The following DPYD variants were observed in gnomAD, a reference collection of about 807,000 sequenced individuals.
DPYD encodes the protein dihydropyrimidine dehydrogenase.
A neutral mutation model predicts 116.2 loss-of-function variants in DPYD; 109 were observed. The observed-to-expected ratio is 0.94, with a 90% CI of 0.80 to 1.10. DPYD has a LOEUF of 1.10. Among genes scored for constraint, DPYD ranks in the 50% least tolerant of loss-of-function variants. The probability of loss-of-function intolerance (pLI) is 0.00; values close to 1 mark genes in which losing one functional copy is unlikely to be tolerated. For synonymous variants in DPYD, 440 were observed against 432.0 expected (o/e 1.02, Z -0.23); for missense variants, 1,302 against 1,254.5 (o/e 1.04, Z -0.57).
intron 5 of DPYD, among the ~76,000 whole-genome samples, chr1:97,702,821 G>A (rs544128387): frequency 2.2e-4 from 33 of 151,860 alleles, no homozygotes; most frequent in Admixed American, 8.6e-4. Context: ...TAATATTTTT[G>A]AATAAAAATT....
At chr1:97,717,285 C>A (rs879627824) in intron 5 of DPYD, among the ~76,000 whole-genome samples, 1 of 151,814 alleles carries the variant, frequency 6.6e-6, no homozygotes. Flanking sequence ...AGTTTAGAAA[C>A]CTGCTGAGAG....
At chr1:97,464,928 G>T (rs1285221713) in intron 13 of DPYD, among the ~76,000 whole-genome samples, 2 of 152,120 alleles carry the variant, frequency 1.3e-5, no homozygotes, top group African/African-American at 4.8e-5. Flanking sequence ...CCGACAGCTT[G>T]CACCATGCAC....
At chr1:97,231,899 A>G (rs942479072) in intron 19 of DPYD, among the ~76,000 whole-genome samples, 2 of 152,124 alleles carry the variant, frequency 1.3e-5, no homozygotes, top group Non-Finnish European at 1.5e-5. Context: ...TCATAACTCC[A>G]TTGTATCCTT....
intron 12 of DPYD, chr1:97,546,071 A>C: frequency 7.2e-7 from 1 of 1,396,978 alleles, no homozygotes; most frequent in Non-Finnish European, 1.0e-6. Context: ...ACATCACAGT[A>C]GGATCCTTAG....
chr1:97,880,119 A>C (rs563693279), intron 2 of DPYD, among the ~76,000 whole-genome samples: 1 of 151,874 alleles, frequency 6.6e-6, no homozygotes, highest in South Asian at 2.1e-4. Context: ...CTTCAATCTA[A>C]AGATAGTATT....
At chr1:97,178,566 A>T (rs1657447583) in intron 20 of DPYD, among the ~76,000 whole-genome samples, 1 of 152,240 alleles carries the variant, frequency 6.6e-6, no homozygotes, top group South Asian at 2.1e-4. Flanking sequence ...CCCATGATCC[A>T]GTCACCTCTC....
chr1:97,431,199 C>T (rs1194140656), intron 14 of DPYD, among the ~76,000 whole-genome samples: 1 of 152,048 alleles, frequency 6.6e-6, no homozygotes, highest in Non-Finnish European at 1.5e-5. Context: ...CTCCATCTGT[C>T]TTGTTCAATA....
intron 16 of DPYD, among the ~76,000 whole-genome samples, chr1:97,337,329 G>A (rs1406080154): frequency 2.0e-5 from 3 of 152,146 alleles, no homozygotes; most frequent in East Asian, 1.9e-4. Context: ...GTACAATGCC[G>A]AGCAGAAACA....
chr1:97,324,731 T>A (rs1017286241), intron 16 of DPYD, among the ~76,000 whole-genome samples: 4 of 152,076 alleles, frequency 2.6e-5, no homozygotes, highest in Non-Finnish European at 4.4e-5. Flanking sequence ...TAATATGTCA[T>A]AATGAGTAAG....
Position 97,920,940 on chromosome 1 carries a change from C to A in DPYD, c.-18G>T, listed in dbSNP as rs577136443. On this transcript the variant is annotated 5_prime_UTR_variant, in exon 1 of 23. Coordinates refer to ENST00000370192, the MANE Select transcript of DPYD (RefSeq NM_000110.4). ...GGGGCCATGGCAGTGCCTACAGTCT[C>A]GAGTCTGCCAGTGACAAACCCTCCT... 3 of 1,579,060 alleles carry A rather than the reference C, an allele frequency of 1.9e-6. No homozygotes were observed. Among genetic ancestry groups the A allele is most frequent in the Non-Finnish European group, 2.6e-6 (3 of 1,162,890 alleles).
intron 19 of DPYD, among the ~76,000 whole-genome samples, chr1:97,228,115 G>T: frequency 6.7e-6 from 1 of 148,990 alleles, no homozygotes; most frequent in Admixed American, 6.7e-5. Context: ...TCACAAGAAT[G>T]TAAGCCCAAT....
At chr1:97,846,478 CG>C (rs1448405002) in intron 2 of DPYD, among the ~76,000 whole-genome samples, 1 of 152,150 alleles carries the variant, frequency 6.6e-6, no homozygotes, top group Non-Finnish European at 1.5e-5. Context: ...GCATCTGACT[CG>C]GGGGAAGTCT....
intron 2 of DPYD, among the ~76,000 whole-genome samples, chr1:97,859,971 C>T (rs1251856259): frequency 6.6e-6 from 1 of 151,430 alleles, no homozygotes; most frequent in East Asian, 2.0e-4. Context: ...TATTTGTAAC[C>T]ATTTGATATT....
intron 16 of DPYD, among the ~76,000 whole-genome samples, chr1:97,367,253 GA>G (rs1671086002): frequency 1.3e-5 from 2 of 151,404 alleles, no homozygotes; most frequent in Non-Finnish European, 2.9e-5. Context: ...CTGGCATGTT[GA>G]AACAGAAACA....
intron 12 of DPYD, among the ~76,000 whole-genome samples, chr1:97,520,172 G>C (rs554633333): frequency 1.3e-5 from 2 of 152,086 alleles, no homozygotes; most frequent in African/African-American, 4.8e-5. Flanking sequence ...TATTTGTTAA[G>C]AACTTGGGGT....
intron 11 of DPYD, among the ~76,000 whole-genome samples, chr1:97,568,006 C>T (rs1051312718): frequency 2.0e-4 from 31 of 151,838 alleles, no homozygotes; most frequent in African/African-American, 7.3e-4. Flanking sequence ...AGATTTCTAA[C>T]AACTAAAAAT....
At chr1:97,571,787 G>C (rs1171727920) in intron 11 of DPYD, among the ~76,000 whole-genome samples, 1 of 151,916 alleles carries the variant, frequency 6.6e-6, no homozygotes, top group East Asian at 1.9e-4. Context: ...GCACATGACA[G>C]TTTTCTGACT....
At chr1:97,736,890 G>A (rs1004700005) in intron 4 of DPYD, among the ~76,000 whole-genome samples, 14 of 141,150 alleles carry the variant, frequency 9.9e-5, no homozygotes, top group Non-Finnish European at 2.2e-4. Flanking sequence ...GTGTGTGTAG[G>A]GCTTTATTAA....
At chr1:97,451,949 CAAG>C (rs1676437589) in intron 13 of DPYD, among the ~76,000 whole-genome samples, 1 of 152,062 alleles carries the variant, frequency 6.6e-6, no homozygotes. Flanking sequence ...ATTTCTTAGC[CAAG>C]GAGGAGTGAA....
Sources: allele counts gnomAD v4.1 joint callset (sites outside exome capture counted in the v4.1 genomes callset), GRCh38; gene constraint gnomAD v4.1.1; transcripts MANE v1.5; gene names NCBI Gene and HGNC (gene_info 2026-07-23, HGNC 2026-07-21).